The following OTOGL variants were observed in gnomAD, a reference collection of about 807,000 sequenced individuals.
OTOGL encodes the protein otogelin like.
Under a neutral mutation model 318.5 loss-of-function variants are expected in OTOGL, and 285 were observed. The ratio of observed to expected loss-of-function variants is 0.89; its 90% CI spans 0.81 to 0.99. OTOGL has a LOEUF of 0.99. Ranked by LOEUF, OTOGL falls within the 50% of genes least tolerant of loss-of-function variation. The pLI, the probability that OTOGL is intolerant of heterozygous loss-of-function variation, is 0.00. For missense variants in OTOGL, 2,899 were observed against 2,845.6 expected (o/e 1.02, Z -0.43); for synonymous variants, 987 against 936.5 (o/e 1.05, Z -0.99).
chr12:80,120,647 T>G (rs1870433192), intron 1 of OTOGL, among the ~76,000 whole-genome samples: 1 of 152,214 alleles, frequency 6.6e-6, no homozygotes, highest in Non-Finnish European at 1.5e-5. Flanking sequence ...GAAATGCCTT[T>G]CAATATGAAT....
intron 42 of OTOGL, among the ~76,000 whole-genome samples, chr12:80,337,378 C>A (rs991054890): frequency 6.6e-6 from 1 of 151,672 alleles, no homozygotes; most frequent in African/African-American, 2.4e-5. Context: ...CCAAGAACAC[C>A]GGAATAAAGA....
intron 57 of OTOGL, among the ~76,000 whole-genome samples, chr12:80,374,030 C>T (rs1891039964): frequency 6.6e-6 from 1 of 152,088 alleles, no homozygotes; most frequent in African/African-American, 2.4e-5. Context: ...AACAGGATGG[C>T]CTGACATCTA....
intron 1 of OTOGL, among the ~76,000 whole-genome samples, chr12:80,160,762 T>C (rs1225642906): frequency 1.3e-5 from 2 of 152,198 alleles, no homozygotes; most frequent in Non-Finnish European, 2.9e-5. Context: ...GAAGTCATTA[T>C]ATGAAAAAGA....
rs1369658963 is a variant in OTOGL at position 80,254,577 on chromosome 12, T to C, written c.1441+7T>C. The C allele has an allele frequency of 5.0e-6, 8 of 1,598,840 alleles. No homozygotes were observed. Among genetic ancestry groups the C allele is most frequent in the African/African-American group, 2.7e-5 (2 of 74,608 alleles). Reference sequence around the variant, plus strand: ...ACTGAGCAAGACTGTCCAGGTAATTTTTTAAAATGTTTTTATAGAGAATGT... The same window carrying C: ...ACTGAGCAAGACTGTCCAGGTAATTCTTTAAAATGTTTTTATAGAGAATGT... On this transcript the variant is annotated splice_region_variant and intron_variant, in intron 15 of 58. Transcript: ENST00000547103.
intron 1 of OTOGL, among the ~76,000 whole-genome samples, chr12:80,106,700 T>G (rs1420368009): frequency 6.6e-6 from 1 of 152,170 alleles, no homozygotes; most frequent in African/African-American, 2.4e-5. Flanking sequence ...CTGGATTGCA[T>G]TCTTCCATCT....
At chr12:80,323,579 G>A in intron 34 of OTOGL, 144 bp from the exon 35 acceptor site, 1 of 620,974 alleles carries the variant, frequency 1.6e-6, no homozygotes, top group African/African-American at 1.8e-5. Flanking sequence ...AACCCAGGAG[G>A]CAGAGGTTGT....
intron 20 of OTOGL, 25 bp downstream of exon 20, chr12:80,265,235 A>T (rs1364316399): frequency 6.3e-7 from 1 of 1,588,452 alleles, no homozygotes; most frequent in Non-Finnish European, 8.6e-7. Flanking sequence ...ACAGATAAAG[A>T]CTATCAGATA....
Position 80,356,886 on chromosome 12 carries a change from A to C in OTOGL, c.5991A>C (p.Glu1997Asp). ...EDQFMIQVRQ[E>D]EPCCFSPFCV... The stretch of plus-strand genomic sequence containing the variant: ...AATTCATGATTCAAGTTCGACAGGA[A>C]GAACCTTGTTGTTTTTCCCCTTTTT... Residue 1997 changes from glutamate to aspartate, a missense_variant, in exon 49 of 59, where the codon GAA becomes GAC. Coordinates refer to ENST00000547103, the MANE Select transcript of OTOGL (RefSeq NM_001378609.3). 1 of 1,594,826 alleles carries C rather than the reference A, an allele frequency of 6.3e-7. No individual in the cohort carries two copies. The highest frequency in any genetic ancestry group is 8.5e-7 in the Non-Finnish European group (1 of 1,170,468).
At chr12:80,333,163 A>G (rs1888186394) in intron 38 of OTOGL, 85 bp downstream of exon 38, 7 of 1,270,168 alleles carry the variant, frequency 5.5e-6, no homozygotes, top group Non-Finnish European at 7.8e-6. Flanking sequence ...AAATGCTACT[A>G]AACTTTTTTT....
chr12:80,266,965 A>C (rs1883026265), intron 21 of OTOGL, among the ~76,000 whole-genome samples: 1 of 152,188 alleles, frequency 6.6e-6, no homozygotes, highest in African/African-American at 2.4e-5. Flanking sequence ...TATAGTGTTA[A>C]ATGATATATC....
intron 52 of OTOGL, among the ~76,000 whole-genome samples, chr12:80,359,943 A>C (rs1002435121): frequency 3.3e-5 from 5 of 152,202 alleles, no homozygotes; most frequent in Non-Finnish European, 7.4e-5. Flanking sequence ...GGTCTAAGGG[A>C]ATAAATTATT....
intron 33 of OTOGL, among the ~76,000 whole-genome samples, chr12:80,318,917 T>C (rs1887151654): frequency 1.3e-5 from 2 of 152,204 alleles, no homozygotes; most frequent in Non-Finnish European, 1.5e-5. Flanking sequence ...TATTGGCATA[T>C]ATATATTAGA....
chr12:80,176,293 A>G (rs1431200359), intron 1 of OTOGL, among the ~76,000 whole-genome samples: 6 of 152,174 alleles, frequency 3.9e-5, no homozygotes, highest in Non-Finnish European at 7.3e-5. Flanking sequence ...AAGGTGTACA[A>G]ATTTAACATC....
chr12:80,378,154 G>A lies in OTOGL; in HGVS notation c.*106G>A. On this transcript the variant is annotated 3_prime_UTR_variant, in exon 59 of 59. Coordinates refer to ENST00000547103, the MANE Select transcript of OTOGL (RefSeq NM_001378609.3). The stretch of plus-strand genomic sequence containing the variant: ...CAGATTTATGCTGTTTAACAATACT[G>A]TATTTTTCAGACTTGGAATGTGGAA... 1.2e-6 allele frequency: 1 copy of A among 816,522 alleles called. No homozygotes were observed. Among genetic ancestry groups the A allele is most frequent in the Non-Finnish European group, 1.8e-6 (1 of 542,028 alleles). 50.6% of individuals were successfully genotyped at this position (816,522 alleles called of 1,614,324 possible).
intron 7 of OTOGL, among the ~76,000 whole-genome samples, chr12:80,225,672 A>T (rs1171886241): frequency 2.6e-5 from 4 of 152,016 alleles, no homozygotes; most frequent in African/African-American, 9.7e-5. Context: ...CTACACTTTC[A>T]ATTAATATTA....
chr12:80,333,607 G>T (rs1283557217), intron 38 of OTOGL, among the ~76,000 whole-genome samples: 51 of 151,998 alleles, frequency 3.4e-4, no homozygotes, highest in Admixed American at 3.3e-3. Flanking sequence ...AAATATAAAA[G>T]TAGGCAAATA....
chr12:80,240,845 G>A (rs1880314640), intron 11 of OTOGL, among the ~76,000 whole-genome samples: 1 of 151,918 alleles, frequency 6.6e-6, no homozygotes, highest in Non-Finnish European at 1.5e-5. Flanking sequence ...GTTCATGAAT[G>A]GTAGTTCATT....
chr12:80,377,666 G>A (rs868039989), intron 58 of OTOGL, among the ~76,000 whole-genome samples, 182 bp from the exon 59 acceptor site: 6 of 152,050 alleles, frequency 3.9e-5, no homozygotes, highest in East Asian at 1.9e-4. Context: ...GCCATGAAAC[G>A]TCCCTTTGAC....
intron 17 of OTOGL, 64 bp downstream of exon 17, chr12:80,256,524 C>CA: frequency 2.7e-6 from 1 of 371,652 alleles, no homozygotes; most frequent in Non-Finnish European, 4.4e-6. Context: ...AAACAAACAA[C>CA]ACACGCAAAC....
Sources: gnomAD v4.1 joint callset for allele counts (sites outside exome capture counted in the v4.1 genomes callset) on GRCh38, gnomAD v4.1.1 for gene constraint, MANE v1.5 for transcripts, NCBI Gene and HGNC (gene_info 2026-07-23, HGNC 2026-07-21) for gene names.